The following NLN variants were observed in gnomAD, a reference collection of about 807,000 sequenced individuals.
NLN encodes the protein neurolysin, mitochondrial.
In NLN, 64 loss-of-function variants were observed where a neutral mutation model predicts 79.9. The ratio of observed to expected loss-of-function variants is 0.80; its 90% CI spans 0.65 to 0.99. The LOEUF (loss-of-function observed/expected upper bound fraction) is 0.99, where lower values mean the gene tolerates loss of function less well. Among genes scored for constraint, NLN ranks in the 50% least tolerant of loss-of-function variants. NLN has a pLI of 0.00. For missense variants in NLN, 835 were observed against 858.7 expected, an observed-to-expected ratio of 0.97 and a Z score of 0.34; for synonymous variants, 267 against 296.6, an observed-to-expected ratio of 0.90 and a Z score of 1.02.
chr5:65,803,528 G>T (rs1203476373), intron 9 of NLN, among the ~76,000 whole-genome samples: 1 of 152,174 alleles, frequency 6.6e-6, no homozygotes, highest in Non-Finnish European at 1.5e-5. Flanking sequence ...AGCTTCCGGG[G>T]CCCCTGAGAG....
intron 9 of NLN, among the ~76,000 whole-genome samples, chr5:65,799,025 G>T (rs1760226395): frequency 6.6e-6 from 1 of 152,052 alleles, no homozygotes; most frequent in South Asian, 2.1e-4. Context: ...GGGACCACAG[G>T]CATGTACCAC....
rs542306513 is a variant in NLN, at chr5:65,731,417, A to G, written c.41+9003A>G. 2.2e-4 allele frequency among the ~76,000 whole-genome samples: 33 copies of G among 152,340 alleles called. No individual in the cohort carries two copies. The South Asian group carries it at 6.6e-3, about 31-fold the overall frequency. On this transcript the variant is annotated intron_variant, in intron 1 of 12. Transcript: ENST00000380985. ...TTGAGGCCATGTTAGTTATCAGTCT[A>G]CCACATCGGCACATAATAAAATCTC...
At chr5:65,742,046 G>A (rs1758879147) in intron 1 of NLN, among the ~76,000 whole-genome samples, 1 of 152,024 alleles carries the variant, frequency 6.6e-6, no homozygotes, top group Non-Finnish European at 1.5e-5. Flanking sequence ...AATATTTCTA[G>A]CATCATACAG....
chr5:65,780,190 A>G lies in NLN; in HGVS notation c.570A>G (p.Ser190=). The G allele has an allele frequency of 5.4e-6, 7 of 1,296,814 alleles. No homozygotes were observed. The highest frequency in any genetic ancestry group is 6.7e-6 in the Non-Finnish European group (6 of 902,204). 80.3% of individuals were successfully genotyped at this position (1,296,814 alleles called of 1,614,324 possible). Residue 190 remains serine, a synonymous_variant, in exon 5 of 13, where the codon TCA becomes TCG. Coordinates refer to ENST00000380985, the MANE Select transcript of NLN (RefSeq NM_020726.5). Reference sequence around the variant, plus strand: ...TATCTTCCTTTCAGGAAATCAAATCAATGAAGAAAAGAATGAGTGAGCTAT... The same window carrying G: ...TATCTTCCTTTCAGGAAATCAAATCGATGAAGAAAAGAATGAGTGAGCTAT... The part of the protein sequence containing the change: ...LPEQVQNEIK[S]MKKRMSELCI...
intron 3 of NLN, among the ~76,000 whole-genome samples, chr5:65,769,494 A>G (rs1210313044): frequency 2.0e-5 from 3 of 152,222 alleles, no homozygotes; most frequent in African/African-American, 7.2e-5. Context: ...GCCTGTCTCA[A>G]AACATTTCAT....
At position 65,759,939 on chromosome 5, in the gene NLN, A is replaced by G. The variant is rs1468210555; in HGVS notation, c.301+1113A>G. 2.5e-4 allele frequency among the ~76,000 whole-genome samples: 38 copies of G among 152,184 alleles called. 1 individual carries two copies. Among genetic ancestry groups the G allele is most frequent in the Admixed American group, 2.5e-3 (38 of 15,254 alleles). ...TAGACCCTTCAAGTTATAAGGAGTG[A>G]AGATTCCCTTTGGTTACCTCTAAGG... On this transcript the variant is annotated intron_variant, in intron 2 of 12. Coordinates refer to ENST00000380985, the MANE Select transcript of NLN (RefSeq NM_020726.5).
intron 9 of NLN, chr5:65,793,683 G>A (rs1376607575): frequency 6.6e-6 from 1 of 150,774 alleles, no homozygotes; most frequent in Non-Finnish European, 1.5e-5. Context: ...AGAAATGAAG[G>A]TACAGTTTTC....
chr5:65,812,618 A>C (rs528819620), intron 12 of NLN, among the ~76,000 whole-genome samples: 1 of 152,330 alleles, frequency 6.6e-6, no homozygotes, highest in East Asian at 1.9e-4. Context: ...GCTTATTAAC[A>C]TTCTGATATA....
chr5:65,822,898 G>A lies in NLN; in HGVS notation c.2098G>A (p.Gly700Ser), dbSNP rs1760833015. 1 of 1,613,754 alleles carries A rather than the reference G, an allele frequency of 6.2e-7. No individual in the cohort carries two copies. The highest frequency in any genetic ancestry group is 8.5e-7 in the Non-Finnish European group (1 of 1,179,678). Reference protein sequence around the residue: ...PNQKAFLMSRGLHAP With the variant: ...PNQKAFLMSRSLHAP The stretch of plus-strand genomic sequence containing the variant: ...CCAAAAAGCGTTCCTAATGAGTAGA[G>A]GCCTGCATGCTCCGTGAACTGGGGA... The change falls in exon 13 of 13, where the codon GGC becomes AGC. Residue 700 changes from glycine to serine, a missense_variant. By Grantham distance (56) the Gly-to-Ser change is moderately conservative (BLOSUM62 0). Transcript: ENST00000380985.
At chr5:65,810,431 T>C (rs1308381776) in intron 11 of NLN, among the ~76,000 whole-genome samples, 5 of 152,246 alleles carry the variant, frequency 3.3e-5, no homozygotes, top group South Asian at 4.1e-4. Context: ...GGAGAGCCAT[T>C]CGTGTTGGCA....
chr5:65,729,577 T>C (rs1758559734), intron 1 of NLN, among the ~76,000 whole-genome samples: 2 of 152,112 alleles, frequency 1.3e-5, no homozygotes, highest in Admixed American at 6.5e-5. Flanking sequence ...GGTTTTACCA[T>C]GTTGGCTAGG....
At chr5:65,812,194 G>A in intron 11 of NLN, 61 bp from the exon 12 acceptor site, 1 of 1,442,828 alleles carries the variant, frequency 6.9e-7, no homozygotes, top group Non-Finnish European at 9.7e-7. Context: ...ACCTTAGCTA[G>A]CTGTTAACCT....
Position 65,827,402 on chromosome 5 carries a change from T to G in NLN, c.*4487T>G, listed in dbSNP as rs566453413. 6.6e-6 allele frequency: 1 copy of G among 152,220 alleles called. No individual in the cohort carries two copies. Among genetic ancestry groups the G allele is most frequent in the African/African-American group, 2.4e-5 (1 of 41,448 alleles). 9.4% of individuals were successfully genotyped at this position (152,220 alleles called of 1,614,324 possible). The stretch of plus-strand genomic sequence containing the variant: ...ATTTCATAGACCCCAGAGGCTCACC[T>G]CAATTGTACTCCTATGATAAAATGT... On this transcript the variant is annotated 3_prime_UTR_variant, in exon 13 of 13. Coordinates refer to ENST00000380985, the MANE Select transcript of NLN (RefSeq NM_020726.5).
intron 5 of NLN, 117 bp downstream of exon 5, chr5:65,780,398 A>C (rs574496602): frequency 5.5e-6 from 3 of 545,626 alleles, no homozygotes; most frequent in East Asian, 3.3e-5. Flanking sequence ...ATAATTATTT[A>C]AAAAATGATC....
At chr5:65,749,009 G>A (rs555890428) in intron 1 of NLN, among the ~76,000 whole-genome samples, 2 of 152,160 alleles carry the variant, frequency 1.3e-5, no homozygotes, top group Non-Finnish European at 2.9e-5. Flanking sequence ...TAAGTCTCAC[G>A]AGATCTGATG....
In NLN at chr5:65,828,658, A is replaced by G. The variant is rs926336692; in HGVS notation, c.*5743A>G. 6.6e-6 allele frequency: 1 copy of G among 152,210 alleles called. No homozygotes were observed. The highest frequency in any genetic ancestry group is 1.5e-5 in the Non-Finnish European group (1 of 68,026). 9.4% of individuals were successfully genotyped at this position (152,210 alleles called of 1,614,324 possible). A position where few individuals can be genotyped will look rare whatever the true frequency, so the allele number is the denominator to read the frequency against. On this transcript the variant is annotated 3_prime_UTR_variant, in exon 13 of 13. Coordinates refer to ENST00000380985, the MANE Select transcript of NLN (RefSeq NM_020726.5). ...TTCTAATACTTTTTGTTGGTTAAAA[A>G]TACATTCCGCTGCTGTGGAAAGCCT...
Position 65,828,120 on chromosome 5 carries a change from G to A in NLN, c.*5205G>A, listed in dbSNP as rs1760952969. The A allele has an allele frequency of 6.6e-6, 1 of 152,216 alleles. No individual in the cohort carries two copies. The highest frequency in any genetic ancestry group is 2.1e-4 in the South Asian group (1 of 4,828). The allele number at this position is 152,216 out of a possible 1,614,324, so 9.4% of individuals were successfully genotyped here. A position where few individuals can be genotyped will look rare whatever the true frequency, so the allele number is the denominator to read the frequency against. On this transcript the variant is annotated 3_prime_UTR_variant, in exon 13 of 13. Coordinates refer to ENST00000380985, the MANE Select transcript of NLN (RefSeq NM_020726.5). ...ACCCAGGTAAAAGAAGGGGAAGCCT[G>A]ACTTGATAGTAGTATTCAGGAAAAA...
At chr5:65,749,570 A>G (rs1014426099) in intron 1 of NLN, among the ~76,000 whole-genome samples, 3 of 152,196 alleles carry the variant, frequency 2.0e-5, no homozygotes, top group Admixed American at 6.5e-5. Flanking sequence ...AGAGACTGGC[A>G]TGATGGGAGA....
chr5:65,740,681 G>A (rs1758848132), intron 1 of NLN, among the ~76,000 whole-genome samples: 1 of 151,802 alleles, frequency 6.6e-6, no homozygotes, highest in Admixed American at 6.6e-5. Context: ...GTCTTTTCGT[G>A]TGTTCCTGGC....
Sources: allele counts gnomAD v4.1 joint callset (sites outside exome capture counted in the v4.1 genomes callset), GRCh38; gene constraint gnomAD v4.1.1; transcripts MANE v1.5; gene names NCBI Gene and HGNC (gene_info 2026-07-23, HGNC 2026-07-21).